COX10: variants seen among roughly 807,000 people sequenced by gnomAD.
The protein encoded by COX10 is cytochrome c oxidase assembly factor heme A:farnesyltransferase COX10.
In COX10, 27 loss-of-function variants were observed where a neutral mutation model predicts 37.3. The ratio of observed to expected loss-of-function variants is 0.72; its 90% CI spans 0.53 to 1.00. COX10 has a LOEUF of 1.00. Among genes scored for constraint, COX10 ranks in the 50% least tolerant of loss-of-function variants. The pLI is 0.00. For synonymous variants in COX10, 222 were observed against 229.1 expected (o/e 0.97, Z 0.28); for missense variants, 475 against 563.2 (o/e 0.84, Z 1.59).
chr17:14,088,967 T>C (rs1454399697), intron 3 of COX10, among the ~76,000 whole-genome samples: 1 of 152,190 alleles, frequency 6.6e-6, no homozygotes, highest in Non-Finnish European at 1.5e-5. Flanking sequence ...GGAGGGAAAG[T>C]TCTTGATAGG....
At chr17:14,122,351 A>G (rs983622688) in intron 4 of COX10, among the ~76,000 whole-genome samples, 3 of 152,232 alleles carry the variant, frequency 2.0e-5, no homozygotes, top group South Asian at 2.1e-4. Flanking sequence ...AAAATCTTCA[A>G]TGTGCTCTGG....
chr17:14,121,841 G>T (rs886788775), intron 4 of COX10, among the ~76,000 whole-genome samples: 1 of 152,118 alleles, frequency 6.6e-6, no homozygotes, highest in Non-Finnish European at 1.5e-5. Context: ...GGAGTACACA[G>T]GGTGTGCATG....
chr17:14,168,615 G>A, intron 5 of COX10, among the ~76,000 whole-genome samples: 1 of 152,240 alleles, frequency 6.6e-6, no homozygotes, highest in East Asian at 1.9e-4. Flanking sequence ...CTTGTCTTCT[G>A]TGCAGCTGCA....
intron 5 of COX10, among the ~76,000 whole-genome samples, chr17:14,183,191 A>G (rs570046286): frequency 1.7e-3 from 260 of 150,796 alleles, no homozygotes; most frequent in Non-Finnish European, 2.5e-3. Context: ...ATCTTAATTT[A>G]AAATGTAATT....
chr17:14,148,426 T>A (rs1034796716), intron 4 of COX10, among the ~76,000 whole-genome samples: 4 of 152,316 alleles, frequency 2.6e-5, no homozygotes, highest in African/African-American at 9.6e-5. Flanking sequence ...GTGCTTTATT[T>A]TTTTTGTTTT....
chr17:14,140,857 T>C (rs1904519119), intron 4 of COX10, among the ~76,000 whole-genome samples: 1 of 152,174 alleles, frequency 6.6e-6, no homozygotes, highest in African/African-American at 2.4e-5. Flanking sequence ...CTTGTGGTAA[T>C]CTTCTTTTAA....
At chr17:14,112,469 T>C (rs1436594408) in intron 4 of COX10, among the ~76,000 whole-genome samples, 1 of 152,164 alleles carries the variant, frequency 6.6e-6, no homozygotes, top group East Asian at 1.9e-4. Context: ...GAAGGATCCA[T>C]GTATATGTAT....
At chr17:14,181,784 A>AT (rs1905867541) in intron 5 of COX10, among the ~76,000 whole-genome samples, 1 of 152,186 alleles carries the variant, frequency 6.6e-6, no homozygotes, top group African/African-American at 2.4e-5. Flanking sequence ...TTAGAAAAAC[A>AT]TACTAAGAGA....
At chr17:14,174,005 A>G (rs3020880) in intron 5 of COX10, among the ~76,000 whole-genome samples, 87,882 of 151,680 alleles carry the variant, frequency 0.58, 25,869 homozygotes, top group East Asian at 0.62. Flanking sequence ...GATAAACTGT[A>G]CTTCATCAAA....
chr17:14,122,813 A>G (rs1048944739), intron 4 of COX10, among the ~76,000 whole-genome samples: 74 of 152,306 alleles, frequency 4.9e-4, no homozygotes, highest in African/African-American at 1.8e-3. Flanking sequence ...TTAATCTTTT[A>G]TAATTATGCA....
chr17:14,203,093 CTTTCTAGCACCCA>C (rs1311718880), intron 6 of COX10, among the ~76,000 whole-genome samples: 1 of 152,142 alleles, frequency 6.6e-6, no homozygotes, highest in Non-Finnish European at 1.5e-5. Context: ...TTGCCACTGC[CTTTCTAGCACCCA>C]GAATTGTGCC....
At position 14,107,146 on chromosome 17, in the gene COX10, T is replaced by C. The variant is rs573862213; in HGVS notation, c.624+4904T>C. On this transcript the variant is annotated intron_variant, in intron 4 of 6. Coordinates refer to ENST00000261643, the MANE Select transcript of COX10 (RefSeq NM_001303.4). Reference sequence around the variant, plus strand: ...CACTTGTGACAGCTGAAAAGTGTCTTCAGACATCACCAAATGGTCCCTGGG... The same window carrying C: ...CACTTGTGACAGCTGAAAAGTGTCTCCAGACATCACCAAATGGTCCCTGGG... Among the ~76,000 whole-genome samples the C allele has an allele frequency of 4.9e-3, 749 of 152,136 alleles. 5 individuals are homozygous for C. Among genetic ancestry groups the C allele is most frequent in the African/African-American group, 0.017 (721 of 41,506 alleles).
intron 6 of COX10, among the ~76,000 whole-genome samples, chr17:14,200,742 C>A (rs1487469649): frequency 6.6e-6 from 1 of 152,182 alleles, no homozygotes; most frequent in Non-Finnish European, 1.5e-5. Flanking sequence ...GTGGACATTT[C>A]TTTCAAACAT....
At chr17:14,137,003 T>C (rs945659632) in intron 4 of COX10, among the ~76,000 whole-genome samples, 3 of 151,944 alleles carry the variant, frequency 2.0e-5, no homozygotes, top group Non-Finnish European at 2.9e-5. Context: ...GCCAAGTCTG[T>C]GTGAGGTGGT....
chr17:14,182,989 G>A (rs1002260426), intron 5 of COX10, among the ~76,000 whole-genome samples: 6 of 151,776 alleles, frequency 4.0e-5, no homozygotes, highest in Non-Finnish European at 7.4e-5. Flanking sequence ...TTATACTTTC[G>A]TAGAGCTATG....
chr17:14,159,965 A>G lies in COX10; in HGVS notation c.695+18A>G. 1 of 1,599,858 alleles carries G rather than the reference A, an allele frequency of 6.3e-7. No individual in the cohort carries two copies. The highest frequency in any genetic ancestry group is 8.6e-7 in the Non-Finnish European group (1 of 1,169,146). On this transcript the variant is annotated intron_variant, in intron 5 of 6. Transcript: ENST00000261643. Reference sequence around the variant, plus strand: ...CAGATCAGGTAAAATCACGAATACAAGTGTCTTCCACATTATAAAACATTC... The same window carrying G: ...CAGATCAGGTAAAATCACGAATACAGGTGTCTTCCACATTATAAAACATTC...
At position 14,078,676 on chromosome 17, in the gene COX10, G is replaced by T. The variant is rs147698308; in HGVS notation, c.499+1620G>T. Among the ~76,000 whole-genome samples the T allele has an allele frequency of 2.5e-4, 38 of 152,132 alleles. No individual in the cohort carries two copies. The East Asian group carries it at 6.9e-3, about 28-fold the overall frequency. On this transcript the variant is annotated intron_variant, in intron 3 of 6. Transcript: ENST00000261643. Reference sequence around the variant, plus strand: ...TGTTCTTTCTTTTGTCCTCCGCCCCGCTTACCCTGCCGTTCATGCTGCCCA... The same window carrying T: ...TGTTCTTTCTTTTGTCCTCCGCCCCTCTTACCCTGCCGTTCATGCTGCCCA...
chr17:14,111,399 A>G (rs951766364), intron 4 of COX10, among the ~76,000 whole-genome samples: 1 of 152,166 alleles, frequency 6.6e-6, no homozygotes, highest in Non-Finnish European at 1.5e-5. Flanking sequence ...GAATGTAGAG[A>G]TAGGATGAAA....
Position 14,127,927 on chromosome 17 carries a change from ATGTGTGTGTGTG to A in COX10, c.624+25712_624+25723del, listed in dbSNP as rs67774468. On this transcript the variant is annotated intron_variant, in intron 4 of 6. Transcript: ENST00000261643. Reference sequence around the variant, plus strand: ...AATTTGAATCTTTAAGAGTGTGTGTATGTGTGTGTGTGTGTGTGTGTGTGTGTGTGTGTGTGT... The same window carrying A: ...AATTTGAATCTTTAAGAGTGTGTGTATGTGTGTGTGTGTGTGTGTGTGTGT... Among the ~76,000 whole-genome samples the A allele has an allele frequency of 9.7e-5, 14 of 143,706 alleles. No homozygotes were observed. The East Asian group carries it at 1.6e-3, about 17-fold the overall frequency. 94.3% of individuals were successfully genotyped at this position (143,706 alleles called of 152,430 possible). A position where few individuals can be genotyped will look rare whatever the true frequency, so the allele number is the denominator to read the frequency against.
Sources: allele counts gnomAD v4.1 joint callset (sites outside exome capture counted in the v4.1 genomes callset), GRCh38; gene constraint gnomAD v4.1.1; transcripts MANE v1.5; gene names NCBI Gene and HGNC (gene_info 2026-07-23, HGNC 2026-07-21).